Variants in NECAB1 observed in about 807,000 individuals in gnomAD.
NECAB1 encodes the protein N-terminal EF-hand calcium binding protein 1.
NECAB1 carries 29 observed loss-of-function variants against 57.5 expected under a neutral mutation model. The observed-to-expected ratio is 0.50, with a 90% CI of 0.38 to 0.69. NECAB1 has a LOEUF of 0.69. Among genes scored for constraint, NECAB1 ranks in the 30% least tolerant of loss-of-function variants. The pLI is 0.00. For missense variants in NECAB1, 372 were observed against 413.8 expected (o/e 0.90, Z 0.88); for synonymous variants, 142 against 147.7 (o/e 0.96, Z 0.28).
At chr8:90,794,676 A>G (rs1374859562) in intron 1 of NECAB1, among the ~76,000 whole-genome samples, 1 of 152,242 alleles carries the variant, frequency 6.6e-6, no homozygotes, top group East Asian at 1.9e-4. Flanking sequence ...CAAATCAGCA[A>G]TAGTAATCAC....
chr8:90,859,318 C>G (rs997392834), intron 3 of NECAB1: 7 of 152,122 alleles, frequency 4.6e-5, no homozygotes, highest in African/African-American at 1.2e-4. Flanking sequence ...CTCACTGTAT[C>G]GAAAGCTATC....
intron 3 of NECAB1, among the ~76,000 whole-genome samples, chr8:90,846,486 A>C (rs1234523700): frequency 6.6e-6 from 1 of 152,250 alleles, no homozygotes; most frequent in African/African-American, 2.4e-5. Flanking sequence ...CAATAGTTGT[A>C]CAAGCCTCAA....
intron 10 of NECAB1, among the ~76,000 whole-genome samples, chr8:90,943,319 G>T (rs756217855): frequency 6.6e-6 from 1 of 152,054 alleles, no homozygotes; most frequent in Non-Finnish European, 1.5e-5. Flanking sequence ...TTGCAAGATT[G>T]GTTTGTTTCA....
intron 3 of NECAB1, among the ~76,000 whole-genome samples, chr8:90,861,937 C>T (rs1056459536): frequency 5.9e-5 from 9 of 152,134 alleles, no homozygotes; most frequent in Middle Eastern, 3.4e-3. Context: ...CATCTAATAG[C>T]GATGAATGGA....
chr8:90,895,264 T>C (rs1191907695), intron 5 of NECAB1, among the ~76,000 whole-genome samples: 1 of 152,140 alleles, frequency 6.6e-6, no homozygotes, highest in Non-Finnish European at 1.5e-5. Context: ...CCTACAACAC[T>C]CTTGGAAGCA....
chr8:90,937,594 G>T (rs1297525831), intron 9 of NECAB1, among the ~76,000 whole-genome samples: 3 of 152,088 alleles, frequency 2.0e-5, no homozygotes, highest in African/African-American at 7.2e-5. Context: ...ATATTATAAA[G>T]ATGTGCCTGT....
At position 90,924,957 on chromosome 8, in the gene NECAB1, TAA is replaced by T. The variant is rs543110409; in HGVS notation, c.495-577_495-576del. ...TATAACATATACTGTATATAGTATA[TAA>T]GATATACTGTATATAATATATATTT... On this transcript the variant is annotated intron_variant, in intron 6 of 12. Transcript: ENST00000417640. 2.9e-4 allele frequency among the ~76,000 whole-genome samples: 44 copies of T among 151,662 alleles called. No homozygotes were observed. In the South Asian group the frequency reaches 7.3e-3, roughly 25 times the overall value.
At chr8:90,913,142 T>G (rs991747575) in intron 5 of NECAB1, among the ~76,000 whole-genome samples, 4 of 152,172 alleles carry the variant, frequency 2.6e-5, no homozygotes, top group African/African-American at 9.7e-5. Context: ...TACTGAGAAA[T>G]GATGTGAAAA....
At chr8:90,945,296 G>A (rs75128237) in intron 10 of NECAB1, among the ~76,000 whole-genome samples, 17 of 152,076 alleles carry the variant, frequency 1.1e-4, no homozygotes, top group East Asian at 7.7e-4. Context: ...GCGAACCTCC[G>A]ACTTCGTGAT....
intron 2 of NECAB1, among the ~76,000 whole-genome samples, chr8:90,824,312 C>A (rs1374578671): frequency 1.3e-5 from 2 of 151,782 alleles, no homozygotes; most frequent in Non-Finnish European, 2.9e-5. Flanking sequence ...TTAAACACAT[C>A]ATATTTATCC....
Position 90,813,549 on chromosome 8 carries a change from C to T in NECAB1, c.125-11168C>T, listed in dbSNP as rs765443436. Among the ~76,000 whole-genome samples, 21 of 151,968 alleles carry T rather than the reference C, an allele frequency of 1.4e-4. 1 individual carries two copies. Among genetic ancestry groups the T allele is most frequent in the Non-Finnish European group, 2.5e-4 (17 of 67,994 alleles). Reference sequence around the variant, plus strand: ...ATTATTATCATTATTATTTTAGAGACAAGATCTCACTCTGTCACCCAGGCT... The same window carrying T: ...ATTATTATCATTATTATTTTAGAGATAAGATCTCACTCTGTCACCCAGGCT... On this transcript the variant is annotated intron_variant, in intron 2 of 12. Transcript: ENST00000417640.
intron 4 of NECAB1, 182 bp downstream of exon 4, chr8:90,872,335 C>A: frequency 2.0e-6 from 1 of 499,764 alleles, no homozygotes; most frequent in South Asian, 3.8e-5. Flanking sequence ...GTATTTCACT[C>A]CAGAAAGAGT....
intron 3 of NECAB1, among the ~76,000 whole-genome samples, chr8:90,866,716 C>T (rs1808521568): frequency 6.6e-6 from 1 of 152,034 alleles, no homozygotes; most frequent in African/African-American, 2.4e-5. Context: ...CAAATCAACG[C>T]CAGTTAGAAT....
At chr8:90,866,057 G>A (rs1808507292) in intron 3 of NECAB1, among the ~76,000 whole-genome samples, 1 of 152,118 alleles carries the variant, frequency 6.6e-6, no homozygotes, top group Non-Finnish European at 1.5e-5. Context: ...AAAAATATTT[G>A]CAAGGTCAGA....
At chr8:90,847,708 A>G (rs1430092409) in intron 3 of NECAB1, among the ~76,000 whole-genome samples, 2 of 152,234 alleles carry the variant, frequency 1.3e-5, no homozygotes, top group Non-Finnish European at 2.9e-5. Context: ...CCACAGGCCC[A>G]ACACCACATG....
intron 4 of NECAB1, among the ~76,000 whole-genome samples, chr8:90,873,931 A>G (rs753398268): frequency 3.9e-5 from 6 of 152,160 alleles, no homozygotes; most frequent in Non-Finnish European, 8.8e-5. Flanking sequence ...AGCTTTGGCT[A>G]TGATTTTCCC....
In NECAB1 at chr8:90,955,680, G is replaced by T; in HGVS notation, c.*168G>T. ...ATTCTATAACTTTATCAATTCATGT[G>T]AATTTTAGCTCAATTTTCAAAGTTC... On this transcript the variant is annotated 3_prime_UTR_variant, in exon 13 of 13. Coordinates refer to ENST00000417640, the MANE Select transcript of NECAB1 (RefSeq NM_022351.5). The T allele has an allele frequency of 2.1e-6, 1 of 479,658 alleles. No individual in the cohort carries two copies. Among genetic ancestry groups the T allele is most frequent in the South Asian group, 4.0e-5 (1 of 25,268 alleles). 29.7% of individuals were successfully genotyped at this position (479,658 alleles called of 1,614,324 possible).
At chr8:90,941,906 G>A (rs1055678683) in intron 10 of NECAB1, among the ~76,000 whole-genome samples, 18 of 152,104 alleles carry the variant, frequency 1.2e-4, no homozygotes, top group Non-Finnish European at 1.6e-4. Flanking sequence ...CCTACCTTAT[G>A]AGCTTGCTTA....
chr8:90,795,593 G>T (rs1336215680), intron 1 of NECAB1, among the ~76,000 whole-genome samples: 2 of 152,138 alleles, frequency 1.3e-5, no homozygotes, highest in Admixed American at 6.5e-5. Context: ...ATGCTCATTT[G>T]TATGATGTGT....
Sources: allele counts gnomAD v4.1 joint callset (sites outside exome capture counted in the v4.1 genomes callset), GRCh38; gene constraint gnomAD v4.1.1; transcripts MANE v1.5; gene names NCBI Gene and HGNC (gene_info 2026-07-23, HGNC 2026-07-21).